MROH2B: variants seen among roughly 807,000 people sequenced by gnomAD.
MROH2B encodes the protein maestro heat like repeat family member 2B, also known as maestro heat-like repeat-containing protein family member 2B.
Under a neutral mutation model 208.6 loss-of-function variants are expected in MROH2B, and 177 were observed. That is an observed-to-expected ratio of 0.85 (90% CI 0.75 to 0.96). The LOEUF (loss-of-function observed/expected upper bound fraction) is 0.96, where lower values mean the gene tolerates loss of function less well. Ranked by LOEUF, MROH2B falls within the 40% of genes least tolerant of loss-of-function variation. The pLI, the probability that MROH2B is intolerant of heterozygous loss-of-function variation, is 0.00. For missense variants in MROH2B, 2,002 were observed against 1,878.7 expected, an observed-to-expected ratio of 1.07 and a Z score of -1.21; for synonymous variants, 728 against 659.0, an observed-to-expected ratio of 1.10 and a Z score of -1.60.
chr5:41,035,623 C>A (rs1224402149), intron 21 of MROH2B, among the ~76,000 whole-genome samples: 2 of 151,568 alleles, frequency 1.3e-5, no homozygotes, highest in African/African-American at 4.8e-5. Flanking sequence ...AATCAACAAG[C>A]AAAGAAAAAA....
Position 41,000,273 on chromosome 5 carries a change from C to A in MROH2B, c.4429G>T (p.Asp1477Tyr). The change falls in exon 39 of 42, where the codon GAT becomes TAT. Residue 1477 changes from aspartate to tyrosine, a missense_variant. Transcript: ENST00000399564. ...ELYGVLDRLLDQDLPRARDFY... is the reference protein window; with the variant it reads ...ELYGVLDRLLYQDLPRARDFY... ...TCCCTGGCCCTTGGTAGATCCTGAT[C>A]AAGGAGACGGTCTAATACCCCATAG... is the stretch of plus-strand genomic sequence containing the variant. 1 of 1,613,862 alleles carries A rather than the reference C, an allele frequency of 6.2e-7. No homozygotes were observed. Among genetic ancestry groups the A allele is most frequent in the Non-Finnish European group, 8.5e-7 (1 of 1,179,838 alleles).
intron 30 of MROH2B, among the ~76,000 whole-genome samples, chr5:41,011,826 C>A (rs968250460): frequency 4.6e-5 from 7 of 152,048 alleles, no homozygotes; most frequent in Admixed American, 3.9e-4. Context: ...TGCCACCATG[C>A]GCAGCTAAGT....
intron 37 of MROH2B, 60 bp downstream of exon 37, chr5:41,004,286 C>T (rs1320921929): frequency 1.3e-6 from 2 of 1,568,468 alleles, no homozygotes; most frequent in African/African-American, 1.4e-5. Flanking sequence ...TGAGCACTAC[C>T]TAAACCTGTT....
intron 24 of MROH2B, among the ~76,000 whole-genome samples, chr5:41,024,815 C>G (rs1043141320): frequency 6.6e-6 from 1 of 152,156 alleles, no homozygotes; most frequent in Non-Finnish European, 1.5e-5. Flanking sequence ...TGTAAAAGAA[C>G]AGAAATTATA....
At position 41,008,642 on chromosome 5, in the gene MROH2B, T is replaced by A. The variant is rs761284259; in HGVS notation, c.3572A>T (p.Gln1191Leu). The A allele has an allele frequency of 1.9e-6, 3 of 1,613,948 alleles. No individual in the cohort carries two copies. Among genetic ancestry groups the A allele is most frequent in the Non-Finnish European group, 2.5e-6 (3 of 1,179,870 alleles). The change falls in exon 33 of 42, where the codon CAG becomes CTG. Residue 1191 changes from glutamine to leucine, a missense_variant. Coordinates refer to ENST00000399564, the MANE Select transcript of MROH2B (RefSeq NM_173489.5). ...CPWSHRRHVM[Q>L]QGEQQQIPDP... ...TGGGATCTGCTGCTGTTCTCCCTGC[T>A]GCATCACATGCCGCCTATGGCTCCA...
In MROH2B at chr5:41,047,477, T is replaced by C. The variant is rs76507911; in HGVS notation, c.1728+244A>G. 4.2e-3 allele frequency among the ~76,000 whole-genome samples: 644 copies of C among 152,294 alleles called. 6 individuals are homozygous for C. Among genetic ancestry groups the C allele is most frequent in the African/African-American group, 0.015 (610 of 41,566 alleles). Reference sequence around the variant, plus strand: ...ATTTAAGAAAGACACAGGAAAAATATTGCTAAGTAAAATCTTCAAAACTGT... The same window carrying C: ...ATTTAAGAAAGACACAGGAAAAATACTGCTAAGTAAAATCTTCAAAACTGT... On this transcript the variant is annotated intron_variant, in intron 17 of 41. Coordinates refer to ENST00000399564, the MANE Select transcript of MROH2B (RefSeq NM_173489.5).
Position 41,007,463 on chromosome 5 carries a change from G to A in MROH2B, c.3609-9C>T. On this transcript the variant is annotated splice_polypyrimidine_tract_variant and intron_variant, in intron 33 of 41. Coordinates refer to ENST00000399564, the MANE Select transcript of MROH2B (RefSeq NM_173489.5). ...AAGTAGCAGTTGAAAGCCTAAAGGAGACAGTCAGCATTACAAAACTAAGTT... is the reference window on the plus strand; with the variant it reads ...AAGTAGCAGTTGAAAGCCTAAAGGAAACAGTCAGCATTACAAAACTAAGTT... The A allele has an allele frequency of 3.9e-6, 6 of 1,552,816 alleles. No individual in the cohort carries two copies. Among genetic ancestry groups the A allele is most frequent in the Non-Finnish European group, 5.2e-6 (6 of 1,152,034 alleles).
chr5:41,062,478 C>T (rs1026053439), intron 5 of MROH2B, among the ~76,000 whole-genome samples: 2 of 152,156 alleles, frequency 1.3e-5, no homozygotes, highest in African/African-American at 2.4e-5. Flanking sequence ...TTCTGATTTG[C>T]GTGATTTTCT....
At chr5:41,009,713 T>C (rs908368489) in intron 31 of MROH2B, among the ~76,000 whole-genome samples, 1 of 152,192 alleles carries the variant, frequency 6.6e-6, no homozygotes, top group Admixed American at 6.5e-5. Context: ...TTGTTAAAAA[T>C]ATTATTATGC....
At position 41,048,430 on chromosome 5, in the gene MROH2B, A is replaced by G. The variant is rs535865975; in HGVS notation, c.1578T>C (p.Arg526=). 6.2e-7 allele frequency: 1 copy of G among 1,613,354 alleles called. No homozygotes were observed. The highest frequency in any genetic ancestry group is 2.2e-5 in the East Asian group (1 of 44,886). The change falls in exon 16 of 42, where the codon CGT becomes CGC. Residue 526 remains arginine (R), a synonymous_variant. Coordinates refer to ENST00000399564, the MANE Select transcript of MROH2B (RefSeq NM_173489.5). ...TCAAAAGCCCTATTGCACCAGCCCC[A>G]CGTAACTCCCCTAAACTGGCAGGCA... ...ISMPASLGEL[R]GAGAIGLLKI...
In MROH2B at chr5:40,999,735, G is replaced by A. The variant is rs373543947; in HGVS notation, c.4527C>T (p.Ser1509=). 320 of 1,613,626 alleles carry A rather than the reference G, an allele frequency of 2.0e-4. 1 individual carries two copies. The highest frequency in any genetic ancestry group is 2.6e-4 in the Non-Finnish European group (304 of 1,179,688). ...CCCAGGTGCTGGTGAAGAAGGTGAA[G>A]GAGTGTGTGTGGAGGATCCACAGAA... ...QEILWILHTH[S]FTFFTSTWEV... The change falls in exon 40 of 42, where the codon TCC becomes TCT. Residue 1509 remains serine, a synonymous_variant. Transcript: ENST00000399564.
At chr5:41,005,162 T>G in intron 35 of MROH2B, 1 of 545,236 alleles carries the variant, frequency 1.8e-6, no homozygotes, top group East Asian at 3.0e-5. Flanking sequence ...CTAGTCTCAA[T>G]GGAAAATGGG....
At chr5:41,057,562 C>CTTTTTTTTTTTTTTTTTTTTTT (rs1743497906) in intron 7 of MROH2B, among the ~76,000 whole-genome samples, 1 of 4,366 alleles carries the variant, frequency 2.3e-4, no homozygotes, top group African/African-American at 5.4e-4. Flanking sequence ...GAATATCCCT[C>CTTTTTTTTTTTTTTTTTTTTTT]CTTTTTTTTT....
Position 41,038,818 on chromosome 5 carries a change from T to A in MROH2B, c.2132A>T (p.His711Leu). ...VMVIYGAVAL[H>L]APKKQLLSRL... is the part of the protein sequence containing the mutation. Reference sequence around the variant, plus strand: ...GGAGAGAAGTTGCTTCTTGGGAGCATGGAGGGCCACTGCTCCATAGATGAC... The same window carrying A: ...GGAGAGAAGTTGCTTCTTGGGAGCAAGGAGGGCCACTGCTCCATAGATGAC... The change falls in exon 21 of 42, where the codon CAT becomes CTT. Residue 711 changes from histidine to leucine, a missense_variant. Coordinates refer to ENST00000399564, the MANE Select transcript of MROH2B (RefSeq NM_173489.5). 6.2e-7 allele frequency: 1 copy of A among 1,613,522 alleles called. No homozygotes were observed. Among genetic ancestry groups the A allele is most frequent in the Non-Finnish European group, 8.5e-7 (1 of 1,179,604 alleles).
Position 41,055,851 on chromosome 5 carries a change from A to G in MROH2B, c.924T>C (p.His308=). 1 of 1,611,210 alleles carries G rather than the reference A, an allele frequency of 6.2e-7. No homozygotes were observed. The highest frequency in any genetic ancestry group is 8.5e-7 in the Non-Finnish European group (1 of 1,177,440). The change falls in exon 10 of 42, where the codon CAT becomes CAC. Residue 308 remains histidine, a synonymous_variant. Coordinates refer to ENST00000399564, the MANE Select transcript of MROH2B (RefSeq NM_173489.5). The part of the protein sequence containing the change: ...KASSCFLILA[H]SNPGELMEFF... ...ATTCCATCAGCTCTCCAGGATTGGA[A>G]TGGGCTGCAGGTTCAAGAAACACTA...
At chr5:41,056,774 C>CAAAAAAAAAAA (rs34263761) in intron 9 of MROH2B, among the ~76,000 whole-genome samples, 1 of 114,752 alleles carries the variant, frequency 8.7e-6, no homozygotes. Context: ...TCTCAAATAC[C>CAAAAAAAAAAA]AAAAAAAAAA....
At chr5:41,024,046 G>A (rs1742257914) in intron 24 of MROH2B, among the ~76,000 whole-genome samples, 1 of 152,090 alleles carries the variant, frequency 6.6e-6, no homozygotes, top group Admixed American at 6.5e-5. Flanking sequence ...ACTAAACATG[G>A]TAAAGAACAA....
At chr5:41,018,585 T>A in intron 26 of MROH2B, 106 bp downstream of exon 26, 1 of 1,448,778 alleles carries the variant, frequency 6.9e-7, no homozygotes. Context: ...TGTGGGTGGG[T>A]CCAGCTGGAT....
rs367764930 is a variant in MROH2B, at chr5:41,057,622, T to C, written c.757-262A>G. Among the ~76,000 whole-genome samples, 196 of 129,818 alleles carry C rather than the reference T, an allele frequency of 1.5e-3. 1 individual carries two copies. Among genetic ancestry groups the C allele is most frequent in the African/African-American group, 5.4e-3 (192 of 35,374 alleles). The allele number at this position is 129,818 out of a possible 152,430, so 85.2% of individuals were successfully genotyped here. A position where few individuals can be genotyped will look rare whatever the true frequency, so the allele number is the denominator to read the frequency against. On this transcript the variant is annotated intron_variant, in intron 7 of 41. Transcript: ENST00000399564. Reference sequence around the variant, plus strand: ...CCCAGGCGGGAGTGCAATGGCGCAATCTCGGTTCACTGTAACCTCCGCCTC... The same window carrying C: ...CCCAGGCGGGAGTGCAATGGCGCAACCTCGGTTCACTGTAACCTCCGCCTC...
Sources: gnomAD v4.1 joint callset for allele counts (sites outside exome capture counted in the v4.1 genomes callset) on GRCh38, gnomAD v4.1.1 for gene constraint, MANE v1.5 for transcripts, NCBI Gene and HGNC (gene_info 2026-07-23, HGNC 2026-07-21) for gene names.